Variants in PSD2 observed in about 807,000 individuals in gnomAD.
PSD2 encodes pleckstrin and Sec7 domain containing 2.
Under a neutral mutation model 69.8 loss-of-function variants are expected in PSD2, and 38 were observed. That is an observed-to-expected ratio of 0.54 (90% confidence interval 0.42 to 0.71). The LOEUF (loss-of-function observed/expected upper bound fraction) is 0.71. Among genes scored for constraint, PSD2 ranks in the 30% least tolerant of loss-of-function variants. The pLI is 0.00. For synonymous variants in PSD2, 412 were observed against 423.0 expected, an observed-to-expected ratio of 0.97 and a Z score of 0.32; for missense variants, 943 against 1,014.5, an observed-to-expected ratio of 0.93 and a Z score of 0.96.
the PSD2 span, among the ~76,000 whole-genome samples, chr5:139,779,532 G>A: frequency 6.6e-6 from 1 of 152,170 alleles, no homozygotes; most frequent in East Asian, 1.9e-4. Context: ...GTCAATGCTT[G>A]TGTATGGTTC....
chr5:139,838,477 C>A, intron 12 of PSD2, 151 bp from the exon 13 acceptor site: 1 of 800,468 alleles, frequency 1.2e-6, no homozygotes, highest in South Asian at 1.9e-5. Flanking sequence ...GCCCATCCAG[C>A]CCCCATGTGT....
the PSD2 span, among the ~76,000 whole-genome samples, chr5:139,743,100 C>T: frequency 6.6e-6 from 1 of 152,184 alleles, no homozygotes; most frequent in African/African-American, 2.4e-5. Flanking sequence ...AGTTGCCTCC[C>T]CTTGGTCCCT....
At chr5:139,824,990 C>T (rs879528621) in intron 7 of PSD2, among the ~76,000 whole-genome samples, 1 of 152,170 alleles carries the variant, frequency 6.6e-6, no homozygotes, top group Non-Finnish European at 1.5e-5. Flanking sequence ...GAGATGGGTG[C>T]AGTCTGGTTG....
At chr5:139,781,327 C>T in the PSD2 span, among the ~76,000 whole-genome samples, 2 of 151,876 alleles carry the variant, frequency 1.3e-5, no homozygotes, top group African/African-American at 2.4e-5. Context: ...GCATTCATCA[C>T]ATATCTCTCT....
intron 7 of PSD2, among the ~76,000 whole-genome samples, chr5:139,827,835 A>C (rs1200259512): frequency 6.6e-6 from 1 of 152,234 alleles, no homozygotes; most frequent in African/African-American, 2.4e-5. Context: ...AACCACCCCC[A>C]TGATCCAATC....
At chr5:139,835,822 T>C (rs1760701839) in intron 9 of PSD2, 56 bp downstream of exon 9, 1 of 1,559,930 alleles carries the variant, frequency 6.4e-7, no homozygotes, top group East Asian at 2.2e-5. Flanking sequence ...GGTGGGGGAG[T>C]GTGGGGGTGC....
intron 5 of PSD2, among the ~76,000 whole-genome samples, chr5:139,820,805 T>C (rs1262997821): frequency 4.6e-5 from 7 of 152,074 alleles, no homozygotes. Context: ...AATAGTGAAA[T>C]GCCTGTTCTG....
In PSD2 at chr5:139,838,879, G is replaced by A. The variant is rs982666902; in HGVS notation, c.1968+107G>A. The A allele has an allele frequency of 8.4e-5, 105 of 1,247,474 alleles. No homozygotes were observed. In the African/African-American group the frequency reaches 1.3e-3, roughly 15 times the overall value. 77.3% of individuals were successfully genotyped at this position (1,247,474 alleles called of 1,614,324 possible). A position where few individuals can be genotyped will look rare whatever the true frequency, so the allele number is the denominator to read the frequency against. On this transcript the variant is annotated intron_variant, in intron 13 of 14. Transcript: ENST00000274710. The stretch of plus-strand genomic sequence containing the variant: ...TCTGTCTCTAGGCTGGGTGATCCTG[G>A]GCTGAAGGACACCAGAGAAGGACAC...
intron 9 of PSD2, among the ~76,000 whole-genome samples, chr5:139,836,223 T>A (rs1760714317): frequency 6.6e-6 from 1 of 152,182 alleles, no homozygotes; most frequent in African/African-American, 2.4e-5. Context: ...GACCTGTAGG[T>A]CTCATCAGGA....
chr5:139,791,292 T>G (rs1366304861), upstream of PSD2, among the ~76,000 whole-genome samples: 1 of 152,064 alleles, frequency 6.6e-6, no homozygotes, highest in Non-Finnish European at 1.5e-5. Flanking sequence ...TAGCTGGGTA[T>G]AGTGGTGCAT....
the PSD2 span, among the ~76,000 whole-genome samples, chr5:139,779,610 GTT>G: frequency 6.6e-6 from 1 of 152,098 alleles, no homozygotes; most frequent in Non-Finnish European, 1.5e-5. Flanking sequence ...CATTTATTGA[GTT>G]TTAACAAATG....
chr5:139,773,533 GTC>G, the PSD2 span, among the ~76,000 whole-genome samples: 2 of 151,998 alleles, frequency 1.3e-5, no homozygotes, highest in Admixed American at 6.6e-5. Flanking sequence ...TTTACTTTCT[GTC>G]TCTATGAATT....
the PSD2 span, among the ~76,000 whole-genome samples, chr5:139,748,593 T>C: frequency 1.2e-4 from 18 of 152,110 alleles, no homozygotes; most frequent in Non-Finnish European, 2.5e-4. Context: ...TGCACACTCA[T>C]TCCCAAGACC....
chr5:139,811,889 G>A (rs1759976407), intron 2 of PSD2, among the ~76,000 whole-genome samples: 1 of 152,074 alleles, frequency 6.6e-6, no homozygotes, highest in African/African-American at 2.4e-5. Flanking sequence ...CACCGCGCCT[G>A]GCCGTCTGTC....
intron 7 of PSD2, among the ~76,000 whole-genome samples, chr5:139,828,972 G>C (rs1760501429): frequency 7.1e-6 from 1 of 140,516 alleles, no homozygotes; most frequent in Non-Finnish European, 1.5e-5. Flanking sequence ...GTGGGAAGAA[G>C]TCCAAGGGCT....
chr5:139,775,866 G>T, the PSD2 span, among the ~76,000 whole-genome samples: 1 of 152,086 alleles, frequency 6.6e-6, no homozygotes, highest in Non-Finnish European at 1.5e-5. Flanking sequence ...ACGGAGTTTC[G>T]CTATGTTGGT....
chr5:139,795,604 G>A (rs965541245), upstream of PSD2, among the ~76,000 whole-genome samples: 6 of 151,998 alleles, frequency 3.9e-5, no homozygotes, highest in Non-Finnish European at 5.9e-5. The surrounding 1 kb of genome is among the most constrained non-coding windows in gnomAD (Gnocchi z 4.5). Flanking sequence ...GGGGCAGAGG[G>A]GGACAAGGTG....
chr5:139,814,069 C>T lies in PSD2; in HGVS notation c.822-101C>T. Reference sequence around the variant, plus strand: ...TGGAGCTTCTTTCCCTGTTCTGGCCCCTACATGGTTTGCAGTGGCCTGGGG... The same window carrying T: ...TGGAGCTTCTTTCCCTGTTCTGGCCTCTACATGGTTTGCAGTGGCCTGGGG... On this transcript the variant is annotated intron_variant, in intron 3 of 14. Coordinates refer to ENST00000274710, the MANE Select transcript of PSD2 (RefSeq NM_032289.4). The surrounding 1 kb of genome is among the most constrained non-coding windows in gnomAD (Gnocchi z 4.4). 8.9e-7 allele frequency: 1 copy of T among 1,126,814 alleles called. No individual in the cohort carries two copies. Among genetic ancestry groups the T allele is most frequent in the Non-Finnish European group, 1.3e-6 (1 of 768,132 alleles). 69.8% of individuals were successfully genotyped at this position (1,126,814 alleles called of 1,614,324 possible).
upstream of PSD2, among the ~76,000 whole-genome samples, chr5:139,791,991 T>C (rs1759422796): frequency 6.6e-6 from 1 of 151,630 alleles, no homozygotes; most frequent in African/African-American, 2.4e-5. Flanking sequence ...CAAATGAGAG[T>C]GCGTGAAGGG....
Sources: gnomAD v4.1 joint callset for allele counts (sites outside exome capture counted in the v4.1 genomes callset) on GRCh38, gnomAD v4.1.1 for gene constraint, Gnocchi (gnomAD v3.1) non-coding constraint, MANE v1.5 for transcripts, NCBI Gene and HGNC (gene_info 2026-07-23, HGNC 2026-07-21) for gene names.